The following PRKG1 variants were observed in gnomAD, a reference collection of about 807,000 sequenced individuals.
The protein encoded by PRKG1 is cGMP-dependent protein kinase 1.
A neutral mutation model predicts 88.1 loss-of-function variants in PRKG1; 35 were observed. The observed-to-expected ratio is 0.40, with a 90% CI of 0.30 to 0.53. The LOEUF (loss-of-function observed/expected upper bound fraction) is 0.53, where lower values mean the gene tolerates loss of function less well. Ranked by LOEUF, PRKG1 falls within the 20% of genes least tolerant of loss-of-function variation. The pLI is 0.59. For missense variants in PRKG1, 540 were observed against 839.8 expected, an observed-to-expected ratio of 0.64 and a Z score of 4.41; for synonymous variants, 303 against 292.5, an observed-to-expected ratio of 1.04 and a Z score of -0.37.
At chr10:51,885,265 TG>T (rs1401390083) in intron 4 of PRKG1, among the ~76,000 whole-genome samples, 2 of 152,332 alleles carry the variant, frequency 1.3e-5, no homozygotes, top group Non-Finnish European at 2.9e-5. Context: ...ACAAGTTAGT[TG>T]TTATTGTTGT....
At chr10:51,058,762 CCT>C (rs1420865340) in intron 1 of PRKG1, among the ~76,000 whole-genome samples, 2 of 152,078 alleles carry the variant, frequency 1.3e-5, no homozygotes, top group African/African-American at 4.8e-5. Context: ...TCTCCTTTCC[CCT>C]GTTTTCTTTT....
chr10:51,271,128 GT>G (rs1839968334), intron 2 of PRKG1, among the ~76,000 whole-genome samples: 1 of 152,190 alleles, frequency 6.6e-6, no homozygotes, highest in Non-Finnish European at 1.5e-5. Context: ...CCATACAGCT[GT>G]GAAGAAAGGA....
At chr10:51,205,987 A>G (rs1342976039) in intron 2 of PRKG1, among the ~76,000 whole-genome samples, 1 of 152,134 alleles carries the variant, frequency 6.6e-6, no homozygotes, top group Admixed American at 6.5e-5. Context: ...GGGTGGTTAA[A>G]TTTTCTGCCT....
At chr10:51,384,832 C>T (rs1837210232) in intron 2 of PRKG1, among the ~76,000 whole-genome samples, 1 of 152,140 alleles carries the variant, frequency 6.6e-6, no homozygotes, top group Admixed American at 6.5e-5. Context: ...ATACCAACTA[C>T]ACATGAAATA....
intron 3 of PRKG1, among the ~76,000 whole-genome samples, chr10:51,561,385 C>T (rs1837457779): frequency 6.6e-6 from 1 of 151,878 alleles, no homozygotes; most frequent in South Asian, 2.1e-4. Context: ...AGCTATCTTC[C>T]CATTTAACTT....
intron 3 of PRKG1, among the ~76,000 whole-genome samples, chr10:51,767,383 A>T (rs1255202668): frequency 1.3e-5 from 2 of 152,194 alleles, no homozygotes; most frequent in Non-Finnish European, 2.9e-5. Flanking sequence ...TTGCAGACTG[A>T]CAAACACAGG....
chr10:51,444,995 G>A (rs1839228603), intron 2 of PRKG1, among the ~76,000 whole-genome samples: 1 of 151,944 alleles, frequency 6.6e-6, no homozygotes, highest in Admixed American at 6.6e-5. Context: ...GAGAGTAAGA[G>A]GGATGTTACA....
At chr10:51,877,223 C>G (rs916489421) in intron 4 of PRKG1, among the ~76,000 whole-genome samples, 1 of 152,074 alleles carries the variant, frequency 6.6e-6, no homozygotes, top group African/African-American at 2.4e-5. Flanking sequence ...CCACCTGTAC[C>G]CAGCTTTCCA....
At chr10:51,108,962 A>G (rs1466582015) in intron 1 of PRKG1, among the ~76,000 whole-genome samples, 1 of 152,154 alleles carries the variant, frequency 6.6e-6, no homozygotes, top group African/African-American at 2.4e-5. Context: ...CTCTATATAC[A>G]CTCAGAAATT....
At chr10:51,489,097 TA>T (rs1225799060) in intron 3 of PRKG1, among the ~76,000 whole-genome samples, 1 of 152,176 alleles carries the variant, frequency 6.6e-6, no homozygotes, top group Non-Finnish European at 1.5e-5. Flanking sequence ...AATGTCTTTC[TA>T]GGCATTTTGC....
chr10:52,175,407 A>T (rs1213355286), intron 9 of PRKG1, among the ~76,000 whole-genome samples: 1 of 152,054 alleles, frequency 6.6e-6, no homozygotes, highest in African/African-American at 2.4e-5. Flanking sequence ...ATCAACACCC[A>T]GGTTGATTCC....
At chr10:51,600,475 G>A (rs1838569001) in intron 3 of PRKG1, among the ~76,000 whole-genome samples, 1 of 152,068 alleles carries the variant, frequency 6.6e-6, no homozygotes. Flanking sequence ...TTCTAGAGGA[G>A]TGCTATCCAA....
chr10:51,457,182 T>C (rs1052481621), intron 2 of PRKG1, among the ~76,000 whole-genome samples: 45 of 152,304 alleles, frequency 3.0e-4, no homozygotes, highest in African/African-American at 1.1e-3. Flanking sequence ...AGCCTAAATG[T>C]CCATCAATCA....
At chr10:51,795,533 T>C (rs915824635) in intron 3 of PRKG1, among the ~76,000 whole-genome samples, 6 of 152,116 alleles carry the variant, frequency 3.9e-5, no homozygotes, top group Non-Finnish European at 8.8e-5. Flanking sequence ...CTCAGAACAT[T>C]CCGGCAGTTA....
intron 3 of PRKG1, among the ~76,000 whole-genome samples, chr10:51,756,457 A>G (rs1299896355): frequency 6.6e-6 from 1 of 150,416 alleles, no homozygotes. Context: ...ACTGCACTCC[A>G]GCATGGGCAA....
intron 1 of PRKG1, among the ~76,000 whole-genome samples, chr10:51,049,356 A>G (rs1461852022): frequency 6.6e-6 from 1 of 152,194 alleles, no homozygotes; most frequent in African/African-American, 2.4e-5. Context: ...GTGAATAACA[A>G]TGTGTGGCGT....
chr10:51,805,188 C>CT (rs1839272972), intron 4 of PRKG1, among the ~76,000 whole-genome samples: 1 of 152,006 alleles, frequency 6.6e-6, no homozygotes, highest in South Asian at 2.1e-4. Flanking sequence ...AGCTTATTAT[C>CT]CTTTAATCCT....
intron 8 of PRKG1, among the ~76,000 whole-genome samples, chr10:52,158,359 T>C (rs900163263): frequency 2.6e-5 from 4 of 151,680 alleles, no homozygotes; most frequent in African/African-American, 9.7e-5. Flanking sequence ...TGAGTAACTA[T>C]TTAGAAAAGC....
At chr10:51,202,489 A>G (rs1197690635) in intron 2 of PRKG1, among the ~76,000 whole-genome samples, 1 of 152,220 alleles carries the variant, frequency 6.6e-6, no homozygotes, top group African/African-American at 2.4e-5. Flanking sequence ...TCCTGCAAGA[A>G]TTCCTATCTC....
Sources: allele counts gnomAD v4.1 joint callset (sites outside exome capture counted in the v4.1 genomes callset), GRCh38; gene constraint gnomAD v4.1.1; transcripts MANE v1.5; gene names NCBI Gene and HGNC (gene_info 2026-07-23, HGNC 2026-07-21).